The following AFF4 variants were observed in gnomAD, a reference collection of about 807,000 sequenced individuals.
The protein encoded by AFF4 is AF4/FMR2 family member 4.
AFF4 carries 13 observed loss-of-function variants against 124.8 expected under a neutral mutation model. The ratio of observed to expected loss-of-function variants is 0.10; its 90% CI spans 0.07 to 0.17. AFF4 has a LOEUF of 0.17. Among genes scored for constraint, AFF4 ranks in the 10% least tolerant of loss-of-function variants. The pLI, the probability that AFF4 is intolerant of heterozygous loss-of-function variation, is 1.00. For synonymous variants in AFF4, 477 were observed against 496.1 expected, an observed-to-expected ratio of 0.96 and a Z score of 0.51; for missense variants, 1,092 against 1,403.8, an observed-to-expected ratio of 0.78 and a Z score of 3.55.
chr5:132,922,012 T>C (rs1038091988), intron 5 of AFF4, among the ~76,000 whole-genome samples: 1 of 152,140 alleles, frequency 6.6e-6, no homozygotes, highest in Non-Finnish European at 1.5e-5. Flanking sequence ...CTCAAACTCC[T>C]GGACTCAAGT....
chr5:132,963,547 T>G lies in AFF4; in HGVS notation c.-293A>C, dbSNP rs1453204623. On this transcript the variant is annotated 5_prime_UTR_variant, in exon 1 of 21. Transcript: ENST00000265343. Reference sequence around the variant, plus strand: ...AGCTGACTGAGGCGGCGGGGGCGGGTTAACGAAGACCTGGCACCAGGATCC... The same window carrying G: ...AGCTGACTGAGGCGGCGGGGGCGGGGTAACGAAGACCTGGCACCAGGATCC... The G allele has an allele frequency of 2.5e-6, 1 of 397,336 alleles. No homozygotes were observed. The highest frequency in any genetic ancestry group is 2.1e-5 in the African/African-American group (1 of 48,318). The allele number at this position is 397,336 out of a possible 1,614,324, so 24.6% of individuals were successfully genotyped here.
chr5:132,922,640 C>T lies in AFF4; in HGVS notation c.1050+4481G>A, dbSNP rs552837937. Among the ~76,000 whole-genome samples the T allele has an allele frequency of 8.0e-5, 12 of 149,956 alleles. No homozygotes were observed. In the South Asian group the frequency reaches 2.3e-3, roughly 29 times the overall value. ...ACTAAAAATACAAAAATTAGCTAGG[C>T]GTGGTGGCACGTGCCTGTAGTCCCA... On this transcript the variant is annotated intron_variant, in intron 5 of 20. Coordinates refer to ENST00000265343, the MANE Select transcript of AFF4 (RefSeq NM_014423.4).
At chr5:132,939,216 CAA>C (rs33952107) in intron 1 of AFF4, among the ~76,000 whole-genome samples, 11 of 122,942 alleles carry the variant, frequency 8.9e-5, no homozygotes, top group Admixed American at 1.7e-4. Flanking sequence ...GACCCTTTCT[CAA>C]AAAAAAAAAA....
chr5:132,935,635 G>T (rs1467591089), intron 2 of AFF4, among the ~76,000 whole-genome samples: 2 of 152,058 alleles, frequency 1.3e-5, no homozygotes, highest in African/African-American at 4.8e-5. Context: ...GCTAGGCGTG[G>T]TGGCGGGTGT....
intron 14 of AFF4, among the ~76,000 whole-genome samples, chr5:132,888,429 A>C (rs981888499): frequency 6.6e-6 from 1 of 152,134 alleles, no homozygotes; most frequent in Non-Finnish European, 1.5e-5. Flanking sequence ...TGTAAGATTA[A>C]GCATAAATAA....
chr5:132,957,507 C>G (rs1194686920), intron 1 of AFF4, among the ~76,000 whole-genome samples: 1 of 151,902 alleles, frequency 6.6e-6, no homozygotes, highest in Admixed American at 6.6e-5. Context: ...CCGAGGCAGG[C>G]AGATCACCTG....
chr5:132,950,959 T>C (rs966527860), intron 1 of AFF4, among the ~76,000 whole-genome samples: 2 of 152,190 alleles, frequency 1.3e-5, no homozygotes, highest in African/African-American at 2.4e-5. Flanking sequence ...TGGTGGCTCA[T>C]GTCTGCTGTA....
intron 5 of AFF4, among the ~76,000 whole-genome samples, chr5:132,917,449 A>C (rs1346987278): frequency 1.3e-5 from 2 of 152,128 alleles, no homozygotes; most frequent in African/African-American, 4.8e-5. Context: ...CTCCTCTATG[A>C]TAAAAAATAA....
chr5:132,887,828 C>G lies in AFF4; in HGVS notation c.2933+18G>C. ...AAATAATGTTATTGCCAATGATCTG[C>G]CAAGTTTTTCCACTTACTTGATGAG... On this transcript the variant is annotated intron_variant, in intron 16 of 20. Coordinates refer to ENST00000265343, the MANE Select transcript of AFF4 (RefSeq NM_014423.4). 1 of 1,610,992 alleles carries G rather than the reference C, an allele frequency of 6.2e-7. No individual in the cohort carries two copies. Among genetic ancestry groups the G allele is most frequent in the Non-Finnish European group, 8.5e-7 (1 of 1,178,962 alleles).
At chr5:132,890,914 G>T (rs990907685) in intron 13 of AFF4, among the ~76,000 whole-genome samples, 1 of 151,946 alleles carries the variant, frequency 6.6e-6, no homozygotes, top group Admixed American at 6.6e-5. Flanking sequence ...TTTCTTACGT[G>T]TGATAGAAGC....
chr5:132,877,963 G>A lies in AFF4; in HGVS notation c.*3096C>T, dbSNP rs142128818. On this transcript the variant is annotated 3_prime_UTR_variant, in exon 21 of 21. Transcript: ENST00000265343. ...GAAACACAGGTGTCTGTGGGCTCAC[G>A]CACACTGCTCTCAATTGTTTTTACA... 2.3e-4 allele frequency: 52 copies of A among 224,442 alleles called. No individual in the cohort carries two copies. The East Asian group carries it at 3.3e-3, about 14-fold the overall frequency. 13.9% of individuals were successfully genotyped at this position (224,442 alleles called of 1,614,324 possible).
At chr5:132,899,507 G>T in intron 8 of AFF4, 80 bp downstream of exon 8, 1 of 1,226,684 alleles carries the variant, frequency 8.2e-7, no homozygotes. Flanking sequence ...AGTAATAAAT[G>T]CATTATTCAA....
chr5:132,939,031 A>G (rs1181840116), intron 1 of AFF4, among the ~76,000 whole-genome samples: 1 of 149,596 alleles, frequency 6.7e-6, no homozygotes, highest in Non-Finnish European at 1.5e-5. Context: ...TGACCTGCCT[A>G]GCCAACATGA....
In AFF4 at chr5:132,902,478, T is replaced by A. The variant is rs1377594999; in HGVS notation, c.1097A>T (p.Asn366Ile). ...NFGTGEQKRY[N>I]PSKTSNGHQS... ...GTGCCCATTTGAAGTTTTAGAAGGA[T>A]TATATCTTTCTGGAACAAAAAGAAT... The change falls in exon 7 of 21, where the codon AAT becomes ATT. Residue 366 changes from asparagine (N) to isoleucine (I), a missense_variant. Physicochemically the swap from Asn to Ile is moderately radical, Grantham distance 149 (BLOSUM62 -3). Transcript: ENST00000265343. The A allele has an allele frequency of 6.2e-7, 1 of 1,608,114 alleles. No homozygotes were observed. Among genetic ancestry groups the A allele is most frequent in the South Asian group, 1.1e-5 (1 of 90,940 alleles).
In AFF4 at chr5:132,883,558, T is replaced by C. The variant is rs757524510; in HGVS notation, c.3146A>G (p.Lys1049Arg). 2.5e-6 allele frequency: 4 copies of C among 1,613,186 alleles called. No individual in the cohort carries two copies. The highest frequency in any genetic ancestry group is 2.7e-5 in the African/African-American group (2 of 74,900). Reference sequence around the variant, plus strand: ...AACAGGGGAAGGCATCCCCACAGCTTTGCTACACAACAGAAATAGGAAGCT... The same window carrying C: ...AACAGGGGAAGGCATCCCCACAGCTCTGCTACACAACAGAAATAGGAAGCT... The part of the protein sequence containing the change: ...SQAPSPGLGS[K>R]AVGMPSPVSP... Residue 1049 changes from lysine (K) to arginine (R), a missense_variant and splice_region_variant, in exon 20 of 21, where the codon AAA becomes AGA. By Grantham distance (26) the Lys-to-Arg change is conservative. This residue lies in a region of AFF4 where 173 missense variants were observed against 294.9 expected (regional missense o/e 0.59). Transcript: ENST00000265343.
rs1441597235 is a variant in AFF4, at chr5:132,896,842, C to T, written c.1788G>A (p.Met596Ile). ...SETPVDLASS[M>I]PSSRHKAATK... ...TGGCTGCTTTGTGTCTGCTGGAGGG[C>T]ATGCTGCTAGCCAAGTCTACAGGGG... The change falls in exon 11 of 21, where the codon ATG (methionine) becomes ATA (isoleucine). Residue 596 changes from methionine (M) to isoleucine (I), a missense_variant. By Grantham distance (10) the Met-to-Ile change is conservative. Coordinates refer to ENST00000265343, the MANE Select transcript of AFF4 (RefSeq NM_014423.4). The T allele has an allele frequency of 1.2e-6, 2 of 1,614,002 alleles. No homozygotes were observed. The highest frequency in any genetic ancestry group is 3.3e-5 in the Admixed American group (2 of 59,982).
intron 1 of AFF4, among the ~76,000 whole-genome samples, chr5:132,959,767 T>C (rs1762041115): frequency 2.2e-5 from 3 of 137,940 alleles, no homozygotes; most frequent in South Asian, 4.7e-4. Flanking sequence ...CTTTTTTTTT[T>C]TTTTTTTTTT....
At chr5:132,940,420 G>A (rs1761540907) in intron 1 of AFF4, among the ~76,000 whole-genome samples, 1 of 151,852 alleles carries the variant, frequency 6.6e-6, no homozygotes, top group Non-Finnish European at 1.5e-5. Flanking sequence ...AGAATGGCGT[G>A]AACCCGGGAG....
At chr5:132,920,814 G>A (rs1761025028) in intron 5 of AFF4, among the ~76,000 whole-genome samples, 1 of 152,108 alleles carries the variant, frequency 6.6e-6, no homozygotes, top group Non-Finnish European at 1.5e-5. Context: ...TCACATATAT[G>A]ATAATGGCAG....
Sources: allele counts gnomAD v4.1 joint callset (sites outside exome capture counted in the v4.1 genomes callset), GRCh38; gene constraint gnomAD v4.1.1; regional missense constraint gnomAD v4.1.1; transcripts MANE v1.5; gene names NCBI Gene and HGNC (gene_info 2026-07-23, HGNC 2026-07-21).